NFASC: variants seen among roughly 807,000 people sequenced by gnomAD.
NFASC encodes the protein neurofascin, also known as neurofascin homolog.
Under a neutral mutation model 147.5 loss-of-function variants are expected in NFASC, and 43 were observed. The observed-to-expected ratio is 0.29, with a 90% CI of 0.23 to 0.38. The LOEUF (loss-of-function observed/expected upper bound fraction) is 0.38, where lower values mean the gene tolerates loss of function less well. Ranked by LOEUF, NFASC falls within the 10% of genes least tolerant of loss-of-function variation. The probability of loss-of-function intolerance (pLI) is 1.00; values close to 1 mark genes in which losing one functional copy is unlikely to be tolerated. For synonymous variants in NFASC, 622 were observed against 665.5 expected (o/e 0.93, Z 1.01); for missense variants, 1,320 against 1,689.0 (o/e 0.78, Z 3.83).
intron 24 of NFASC, among the ~76,000 whole-genome samples, chr1:204,996,851 T>G (rs1045989618): frequency 1.2e-4 from 18 of 152,160 alleles, no homozygotes; most frequent in African/African-American, 4.3e-4. Context: ...ATGCCATCCC[T>G]GGGGTCTGAG....
At position 204,830,578 on chromosome 1, in the gene NFASC, TTGTGTGTGTTGTGATGTG is replaced by T. The variant is rs1394418261; in HGVS notation, c.-200+1846_-200+1863del. Among the ~76,000 whole-genome samples, 768 of 151,504 alleles carry T rather than the reference TTGTGTGTGTTGTGATGTG, an allele frequency of 5.1e-3. 9 individuals are homozygous for T. The East Asian group carries it at 0.051, about 10-fold the overall frequency. ...CTTTGGATTCAACTGAAGGGGTGTGTTGTGTGTGTTGTGATGTGTGTGTGTGTTGTGATGTGTGTGTGT... is the reference window on the plus strand; with the variant it reads ...CTTTGGATTCAACTGAAGGGGTGTGTTGTGTGTGTTGTGATGTGTGTGTGT... On this transcript the variant is annotated intron_variant, in intron 1 of 29. Coordinates refer to ENST00000339876, the MANE Select transcript of NFASC (RefSeq NM_001005388.3).
At position 204,905,490 on chromosome 1, in the gene NFASC, T is replaced by C. The variant is rs527236726; in HGVS notation, c.-199-15142T>C. 2.0e-5 allele frequency among the ~76,000 whole-genome samples: 3 copies of C among 152,292 alleles called. No individual in the cohort carries two copies. The South Asian group carries it at 6.2e-4, about 32-fold the overall frequency. ...CGTCTTTTTATATGTATGTTAGCCA[T>C]TTGTGTATCTTCTTGGGAGAAGTAT... is the stretch of plus-strand genomic sequence containing the variant. On this transcript the variant is annotated intron_variant, in intron 1 of 29. Transcript: ENST00000339876.
chr1:204,950,611 T>C (rs2094037404), intron 4 of NFASC, 37 bp downstream of exon 4: 1 of 1,604,130 alleles, frequency 6.2e-7, no homozygotes, highest in Non-Finnish European at 8.5e-7. Context: ...CCTCTGGGAG[T>C]TGGGAGGGAG....
intron 1 of NFASC, among the ~76,000 whole-genome samples, chr1:204,851,050 A>G (rs965602926): frequency 3.3e-5 from 5 of 152,244 alleles, no homozygotes; most frequent in African/African-American, 1.2e-4. Context: ...TCAGTACTAA[A>G]AAAAAGTGAT....
chr1:204,882,696 G>C (rs542780851), intron 1 of NFASC, among the ~76,000 whole-genome samples: 2 of 152,008 alleles, frequency 1.3e-5, no homozygotes, highest in Non-Finnish European at 2.9e-5. Flanking sequence ...TGAGGCCCTC[G>C]GTAAATATTT....
chr1:204,915,009 G>A (rs2088804997), intron 1 of NFASC, among the ~76,000 whole-genome samples: 1 of 152,224 alleles, frequency 6.6e-6, no homozygotes, highest in Admixed American at 6.5e-5. Context: ...TGGGCGCGGT[G>A]GCTCTTTTGT....
intron 15 of NFASC, among the ~76,000 whole-genome samples, chr1:204,976,409 G>A (rs1021271604): frequency 3.9e-5 from 6 of 152,226 alleles, no homozygotes; most frequent in Non-Finnish European, 5.9e-5. Context: ...GCAGGCACAC[G>A]TACAGAATTT....
intron 24 of NFASC, among the ~76,000 whole-genome samples, chr1:204,994,162 C>T (rs923088337): frequency 6.6e-6 from 1 of 152,170 alleles, no homozygotes; most frequent in Non-Finnish European, 1.5e-5. Context: ...GGGAGGCTGC[C>T]GGAAAGTGAC....
chr1:204,954,231 G>T lies in NFASC; in HGVS notation c.259G>T (p.Asp87Tyr), dbSNP rs775540551. Residue 87 changes from aspartate to tyrosine, a missense_variant, in exon 6 of 30, where the codon GAC (aspartate) becomes TAC (tyrosine). Physicochemically the swap from Asp to Tyr is radical, Grantham distance 160. This residue lies in a region of NFASC where 981 missense variants were observed against 1,289.5 expected (regional missense o/e 0.76). Transcript: ENST00000339876. This position sits in a 1 kb window ranked among gnomAD's most constrained non-coding sequence, Gnocchi z 5.7. ...CAGCAGATTCTTCAACATCGCCAAG[G>T]ACCCCCGGGTGTCCATGAGGAGGAG... ...RNSRFFNIAKDPRVSMRRRSG... is the reference protein window; with the variant it reads ...RNSRFFNIAKYPRVSMRRRSG... The T allele has an allele frequency of 2.5e-6, 4 of 1,614,196 alleles. No homozygotes were observed. The highest frequency in any genetic ancestry group is 3.4e-6 in the Non-Finnish European group (4 of 1,180,040).
chr1:204,987,579 A>C lies in NFASC; in HGVS notation c.2593+39A>C. 1 of 1,611,232 alleles carries C rather than the reference A, an allele frequency of 6.2e-7. No individual in the cohort carries two copies. The highest frequency in any genetic ancestry group is 8.5e-7 in the Non-Finnish European group (1 of 1,177,838). ...TTCCCTTTCTCTTAGATAATCTGGG[A>C]ACCAGAAACCCCATTCTCACCACTT... On this transcript the variant is annotated intron_variant, in intron 22 of 29. Coordinates refer to ENST00000339876, the MANE Select transcript of NFASC (RefSeq NM_001005388.3). This position sits in a 1 kb window ranked among gnomAD's most constrained non-coding sequence, Gnocchi z 4.4.
chr1:204,880,628 A>G (rs1369458543), intron 1 of NFASC, among the ~76,000 whole-genome samples: 1 of 152,204 alleles, frequency 6.6e-6, no homozygotes, highest in Non-Finnish European at 1.5e-5. Context: ...CTGGGATTAC[A>G]GACGTGATTC....
chr1:204,950,570 T>A lies in NFASC; in HGVS notation c.105T>A (p.Asn35Lys), dbSNP rs771749984. The A allele has an allele frequency of 6.2e-7, 1 of 1,612,718 alleles. No homozygotes were observed. The highest frequency in any genetic ancestry group is 1.7e-5 in the Admixed American group (1 of 59,888). ...IEIPMDPSIQ[N>K]ELTQPPTITK... ...CGGAACTAACAGCAAGCATTCAGAA[T>A]GAGCGTAAGTGCCCTGTGTGCCTCT... The change falls in exon 4 of 30, where the codon AAT (asparagine) becomes AAA (lysine). Residue 35 changes from asparagine (N) to lysine (K), a missense_variant. Around this residue, in one of 3 missense-constraint regions of NFASC, gnomAD observed 981 missense variants for 1,289.5 expected, o/e 0.76. Coordinates refer to ENST00000339876, the MANE Select transcript of NFASC (RefSeq NM_001005388.3).
Position 205,016,625 on chromosome 1 carries a change from C to A in NFASC, c.*86C>A. ...AAACCACTGCAGACCTACCACGAAG[C>A]CACCACCACCTTCAGTAACAAGGGT... is the stretch of plus-strand genomic sequence containing the variant. On this transcript the variant is annotated 3_prime_UTR_variant, in exon 30 of 30. Transcript: ENST00000339876. The surrounding 1 kb of genome is among the most constrained non-coding windows in gnomAD (Gnocchi z 5.1). 1.1e-6 allele frequency: 1 copy of A among 905,746 alleles called. No individual in the cohort carries two copies. The highest frequency in any genetic ancestry group is 1.8e-6 in the Non-Finnish European group (1 of 552,664). 56.1% of individuals were successfully genotyped at this position (905,746 alleles called of 1,614,324 possible).
chr1:204,952,129 G>A lies in NFASC; in HGVS notation c.215+13G>A, dbSNP rs2094160007. On this transcript the variant is annotated intron_variant, in intron 5 of 29. Coordinates refer to ENST00000339876, the MANE Select transcript of NFASC (RefSeq NM_001005388.3). ...ACCCTGCCCCCAGGTGAGTGAAGGG[G>A]AAAAAGAGTGCATTGAAACCACCCG... is the stretch of plus-strand genomic sequence containing the variant. The A allele has an allele frequency of 6.3e-7, 1 of 1,592,004 alleles. No individual in the cohort carries two copies. Among genetic ancestry groups the A allele is most frequent in the Non-Finnish European group, 8.6e-7 (1 of 1,160,228 alleles).
intron 1 of NFASC, among the ~76,000 whole-genome samples, chr1:204,881,257 T>G (rs1321576011): frequency 6.6e-6 from 1 of 152,104 alleles, no homozygotes; most frequent in Admixed American, 6.6e-5. Flanking sequence ...CCCCTGGGGG[T>G]GTGTGCCCCT....
In NFASC at chr1:204,975,674, C is replaced by T. The variant is rs1279666873; in HGVS notation, c.1706+256C>T. ...CCTACACCTCCTCTCTCTCCCTCTT[C>T]TCAATCTCTTCACTTCTCCTCTCCC... is the stretch of plus-strand genomic sequence containing the variant. On this transcript the variant is annotated intron_variant, in intron 15 of 29. Transcript: ENST00000339876. This position sits in a 1 kb window ranked among gnomAD's most constrained non-coding sequence, Gnocchi z 4.0. 1.3e-5 allele frequency among the ~76,000 whole-genome samples: 2 copies of T among 152,144 alleles called. No homozygotes were observed. The highest frequency in any genetic ancestry group is 1.3e-4 in the Admixed American group (2 of 15,290).
chr1:204,996,526 G>A (rs917975186), intron 24 of NFASC, among the ~76,000 whole-genome samples: 5 of 152,190 alleles, frequency 3.3e-5, no homozygotes, highest in African/African-American at 1.2e-4. Context: ...AGGGAGGAGA[G>A]GCAGGGGAAT....
chr1:204,997,532 T>G (rs2095873520), intron 25 of NFASC, 126 bp downstream of exon 25: 1 of 1,087,134 alleles, frequency 9.2e-7, no homozygotes, highest in Non-Finnish European at 1.4e-6. Context: ...CACCTCCCTT[T>G]GTGTTTCCTT....
At position 204,987,271 on chromosome 1, in the gene NFASC, G is replaced by A. The variant is rs901716942; in HGVS notation, c.2471-147G>A. ...GGGCAATGGGCTCCGGTCGTCTCAC[G>A]GTTCTCCCAGGCTTCAGTTTAGCAG... On this transcript the variant is annotated intron_variant, in intron 21 of 29. Coordinates refer to ENST00000339876, the MANE Select transcript of NFASC (RefSeq NM_001005388.3). This position sits in a 1 kb window ranked among gnomAD's most constrained non-coding sequence, Gnocchi z 4.4. 7 of 729,744 alleles carry A rather than the reference G, an allele frequency of 9.6e-6. No homozygotes were observed. The highest frequency in any genetic ancestry group is 1.8e-5 in the African/African-American group (1 of 56,572). The allele number at this position is 729,744 out of a possible 1,614,324, so 45.2% of individuals were successfully genotyped here.
Sources: gnomAD v4.1 joint callset for allele counts (sites outside exome capture counted in the v4.1 genomes callset) on GRCh38, gnomAD v4.1.1 for gene constraint, gnomAD v4.1.1 regional missense constraint, Gnocchi (gnomAD v3.1) non-coding constraint, MANE v1.5 for transcripts, NCBI Gene and HGNC (gene_info 2026-07-23, HGNC 2026-07-21) for gene names.